The following FGF9 variants were observed in gnomAD, a reference collection of about 807,000 sequenced individuals.
The protein encoded by FGF9 is fibroblast growth factor 9 (glia-activating factor).
In FGF9, 3 loss-of-function variants were observed where a neutral mutation model predicts 19.9. The ratio of observed to expected loss-of-function variants is 0.15; its 90% CI spans 0.07 to 0.39. The LOEUF (loss-of-function observed/expected upper bound fraction) is 0.39, where lower values mean the gene tolerates loss of function less well. Ranked by LOEUF, FGF9 falls within the 10% of genes least tolerant of loss-of-function variation. FGF9 has a pLI of 1.00. For missense variants in FGF9, 175 were observed against 256.8 expected, an observed-to-expected ratio of 0.68 and a Z score of 2.18; for synonymous variants, 107 against 106.9, an observed-to-expected ratio of 1.00 and a Z score of -0.01.
intron 2 of FGF9, 115 bp downstream of exon 2, chr13:21,681,260 G>C: frequency 1.3e-6 from 1 of 796,344 alleles, no homozygotes; most frequent in South Asian, 1.6e-5. Flanking sequence ...GAAGGCGAGT[G>C]TAAGTTTTTA....
At chr13:21,683,049 C>CT (rs1872079908) in intron 2 of FGF9, among the ~76,000 whole-genome samples, 1 of 151,998 alleles carries the variant, frequency 6.6e-6, no homozygotes. Context: ...ATGAGGAAAC[C>CT]TAAATAGGGC....
intron 1 of FGF9, among the ~76,000 whole-genome samples, chr13:21,674,944 G>C (rs1346407417): frequency 6.7e-6 from 1 of 150,372 alleles, no homozygotes; most frequent in African/African-American, 2.4e-5. Context: ...CTAGAGGTCA[G>C]AGAAAGGTGT....
chr13:21,697,610 G>A (rs369057318), intron 2 of FGF9, among the ~76,000 whole-genome samples: 1 of 151,690 alleles, frequency 6.6e-6, no homozygotes, highest in Non-Finnish European at 1.5e-5. Flanking sequence ...GGGGGTTTTC[G>A]TATTCTTTAA....
intron 1 of FGF9, among the ~76,000 whole-genome samples, chr13:21,677,418 T>C (rs1427076068): frequency 2.0e-5 from 3 of 152,228 alleles, no homozygotes; most frequent in Admixed American, 6.5e-5. Flanking sequence ...CTGGCTGTTA[T>C]TGATCCAGCC....
chr13:21,690,083 G>A (rs1329022924), intron 2 of FGF9, among the ~76,000 whole-genome samples: 6 of 152,298 alleles, frequency 3.9e-5, no homozygotes, highest in South Asian at 4.1e-4. Flanking sequence ...CCAGGGTAGC[G>A]TAGTCTCTCT....
intron 1 of FGF9, among the ~76,000 whole-genome samples, chr13:21,679,782 CAAAAAAA>C (rs760146847): frequency 1.7e-4 from 9 of 52,438 alleles, no homozygotes; most frequent in African/African-American, 3.3e-4. Flanking sequence ...ACTAAAAATA[CAAAAAAA>C]AAAAAAAAAA....
rs1565954880 is a variant in FGF9 at position 21,701,390 on chromosome 13, C to CG, written c.583dup (p.Asp195GlyfsTer5). Reference sequence around the variant, plus strand: ...ATTTTTTACCTAGACCAGTGGACCCCGACAAAGTACCTGAACTGTATAAGG... The same window carrying CG: ...ATTTTTTACCTAGACCAGTGGACCCCGGACAAAGTACCTGAACTGTATAAGG... On this transcript the variant is annotated frameshift_variant, in exon 3 of 3. Transcript: ENST00000382353. LOFTEE classifies it high-confidence loss of function. 1 of 1,613,756 alleles carries CG rather than the reference C, an allele frequency of 6.2e-7. No individual in the cohort carries two copies.
At chr13:21,693,443 G>A (rs957810881) in intron 2 of FGF9, among the ~76,000 whole-genome samples, 1 of 152,108 alleles carries the variant, frequency 6.6e-6, no homozygotes, top group Non-Finnish European at 1.5e-5. Flanking sequence ...GAGCCACGTG[G>A]AAATATCATA....
chr13:21,685,716 TC>T (rs2138137666), intron 2 of FGF9, among the ~76,000 whole-genome samples: 1 of 152,328 alleles, frequency 6.6e-6, no homozygotes, highest in Admixed American at 6.5e-5. Flanking sequence ...GTGTGAAATT[TC>T]CCATAGTAGA....
At chr13:21,681,184 G>T in intron 2 of FGF9, 39 bp downstream of exon 2, 1 of 1,415,318 alleles carries the variant, frequency 7.1e-7, no homozygotes. Flanking sequence ...TTATCTCCAT[G>T]TTTGATTTGA....
At chr13:21,693,279 G>A (rs1478034298) in intron 2 of FGF9, among the ~76,000 whole-genome samples, 1 of 152,136 alleles carries the variant, frequency 6.6e-6, no homozygotes, top group Admixed American at 6.5e-5. Flanking sequence ...TGAGTATAGT[G>A]GGGGCTAGGA....
In FGF9 at chr13:21,688,492, G is replaced by A. The variant is rs143740283; in HGVS notation, c.381+7347G>A. 4.5e-3 allele frequency among the ~76,000 whole-genome samples: 678 copies of A among 152,290 alleles called. 6 individuals carry two copies. Among genetic ancestry groups the A allele is most frequent in the Non-Finnish European group, 6.6e-3 (451 of 68,028 alleles). On this transcript the variant is annotated intron_variant, in intron 2 of 2. Coordinates refer to ENST00000382353, the MANE Select transcript of FGF9 (RefSeq NM_002010.3). The stretch of plus-strand genomic sequence containing the variant: ...TGCTGTATGACTGAGTCCATACATC[G>A]TCCTGGTTTTAGAGACGAGGAGGTG...
chr13:21,692,144 A>G (rs527791461), intron 2 of FGF9, among the ~76,000 whole-genome samples: 2 of 152,282 alleles, frequency 1.3e-5, no homozygotes, highest in Admixed American at 1.3e-4. Context: ...GTTTTGCTGT[A>G]GCCCTGAATT....
chr13:21,673,796 G>C (rs930000095), intron 1 of FGF9, among the ~76,000 whole-genome samples: 16 of 150,990 alleles, frequency 1.1e-4, no homozygotes, highest in Admixed American at 6.6e-4. Flanking sequence ...GCCGGCCTAG[G>C]TGTGCCAGGC....
chr13:21,693,331 A>T (rs1448794367), intron 2 of FGF9, among the ~76,000 whole-genome samples: 5 of 152,042 alleles, frequency 3.3e-5, no homozygotes, highest in Admixed American at 3.3e-4. Context: ...GGACAGCCTC[A>T]TCTCCCTTGC....
Position 21,703,936 on chromosome 13 carries a change from A to G in FGF9, c.*2501A>G, listed in dbSNP as rs1872599721. 1 of 151,970 alleles carries G rather than the reference A, an allele frequency of 6.6e-6. No individual in the cohort carries two copies. The highest frequency in any genetic ancestry group is 1.5e-5 in the Non-Finnish European group (1 of 68,024). The allele number at this position is 151,970 out of a possible 1,614,324, so 9.4% of individuals were successfully genotyped here. Reference sequence around the variant, plus strand: ...TTGTTATATGCTTTTGGCAATTGATACAATAAACTGTAATGGTCTGTAAAT... The same window carrying G: ...TTGTTATATGCTTTTGGCAATTGATGCAATAAACTGTAATGGTCTGTAAAT... On this transcript the variant is annotated 3_prime_UTR_variant, in exon 3 of 3. Transcript: ENST00000382353.
At chr13:21,697,347 A>G (rs1199791806) in intron 2 of FGF9, among the ~76,000 whole-genome samples, 1 of 152,014 alleles carries the variant, frequency 6.6e-6, no homozygotes, top group African/African-American at 2.4e-5. Flanking sequence ...GGGTCTCACT[A>G]TGTTTTCCAG....
chr13:21,688,096 A>C (rs564004721), intron 2 of FGF9, among the ~76,000 whole-genome samples: 2 of 152,332 alleles, frequency 1.3e-5, no homozygotes, highest in South Asian at 2.1e-4. Context: ...TGTCTCCGTC[A>C]GGTGCTCTGC....
At chr13:21,697,508 G>A (rs776781642) in intron 2 of FGF9, among the ~76,000 whole-genome samples, 2 of 152,168 alleles carry the variant, frequency 1.3e-5, no homozygotes, top group Admixed American at 6.5e-5. Context: ...GTGCGTGAAC[G>A]ATGCTCTAAT....
Sources: allele counts gnomAD v4.1 joint callset (sites outside exome capture counted in the v4.1 genomes callset), GRCh38; gene constraint gnomAD v4.1.1; transcripts MANE v1.5; gene names NCBI Gene and HGNC (gene_info 2026-07-23, HGNC 2026-07-21).